The following MAOB variants were observed in gnomAD, a reference collection of about 807,000 sequenced individuals.
MAOB encodes amine oxidase [flavin-containing] B.
A neutral mutation model predicts 41.9 loss-of-function variants in MAOB; 15 were observed. The observed-to-expected ratio is 0.36, with a 90% CI of 0.24 to 0.55. MAOB has a LOEUF of 0.55. MAOB is among the 20% of genes least tolerant of loss of function. The probability of loss-of-function intolerance (pLI) is 0.86; values close to 1 mark genes in which losing one functional copy is unlikely to be tolerated. For synonymous variants in MAOB, 167 were observed against 144.2 expected, an observed-to-expected ratio of 1.16 and a Z score of -1.13; for missense variants, 345 against 398.7, an observed-to-expected ratio of 0.87 and a Z score of 1.15.
At chrX:43,830,474 AT>A (rs2035005785) in intron 3 of MAOB, among the ~76,000 whole-genome samples, 1 of 111,963 alleles carries the variant, frequency 8.9e-6, no homozygotes, top group Admixed American at 9.5e-5. Flanking sequence ...AGATCACTTT[AT>A]TTATCTATTT....
chrX:43,857,106 TATATATATATAGAGAGAGAG>T (rs1173445329), intron 1 of MAOB, among the ~76,000 whole-genome samples: 49 of 24,448 alleles, frequency 2.0e-3, no homozygotes, highest in Non-Finnish European at 2.2e-3. Flanking sequence ...TATATATATA[TATATATATATAGAGAGAGAG>T]AGAGAGAGAG....
At position 43,870,794 on chromosome X, in the gene MAOB, CAAAAAAAAAAAA is replaced by C. The variant is rs763016344; in HGVS notation, c.46+11448_46+11459del. On this transcript the variant is annotated intron_variant, in intron 1 of 14. Coordinates refer to ENST00000378069, the MANE Select transcript of MAOB (RefSeq NM_000898.5). ...TGGGCAACTGAGTGAGACTCCACCT[CAAAAAAAAAAAA>C]AAAAAAAAAAAAAGAGAAAGAAAAA... Among the ~76,000 whole-genome samples the C allele has an allele frequency of 1.0e-3, 23 of 21,929 alleles. No individual in the cohort carries two copies. The East Asian group carries it at 0.019, about 18-fold the overall frequency. 19.0% of individuals were successfully genotyped at this position (21,929 alleles called of 115,157 possible). A position where few individuals can be genotyped will look rare whatever the true frequency, so the allele number is the denominator to read the frequency against.
At chrX:43,846,477 G>T (rs761152826) in intron 1 of MAOB, among the ~76,000 whole-genome samples, 3 of 111,980 alleles carry the variant, frequency 2.7e-5, no homozygotes, top group Non-Finnish European at 5.6e-5. Context: ...TATGTTGCTG[G>T]AAGTAACTTA....
At chrX:43,847,500 A>T (rs929040158) in intron 1 of MAOB, among the ~76,000 whole-genome samples, 1 of 111,677 alleles carries the variant, frequency 9.0e-6, no homozygotes, top group Admixed American at 9.5e-5. Flanking sequence ...AAAAAGAAAA[A>T]ATGGCAGCTT....
intron 3 of MAOB, among the ~76,000 whole-genome samples, chrX:43,808,937 T>A (rs533740042): frequency 4.1e-4 from 45 of 110,787 alleles, no homozygotes; most frequent in African/African-American, 1.5e-3. Context: ...ACTCCCGACC[T>A]CAAGTAATCC....
chrX:43,790,798 A>G (rs1217463378), intron 8 of MAOB, among the ~76,000 whole-genome samples: 3 of 111,352 alleles, frequency 2.7e-5, no homozygotes, highest in Non-Finnish European at 5.7e-5. Flanking sequence ...ACAAGGACCA[A>G]GTCAGATTCT....
At chrX:43,805,101 T>G (rs1345308070) in intron 3 of MAOB, among the ~76,000 whole-genome samples, 1 of 111,818 alleles carries the variant, frequency 8.9e-6, no homozygotes, top group Non-Finnish European at 1.9e-5. Flanking sequence ...GTATACCCTG[T>G]GGAATGGCTA....
intron 3 of MAOB, among the ~76,000 whole-genome samples, chrX:43,828,379 T>A (rs778031626): frequency 9.9e-5 from 11 of 111,642 alleles, no homozygotes; most frequent in African/African-American, 3.6e-4. Flanking sequence ...TACTTTTTTT[T>A]AAATTCCTGG....
intron 10 of MAOB, 48 bp from the exon 11 acceptor site, chrX:43,778,787 G>A (rs1166199746): frequency 1.0e-5 from 10 of 960,098 alleles, no homozygotes; most frequent in African/African-American, 5.9e-5. Flanking sequence ...AGAAGGGAGG[G>A]AAAAAAAAAG....
At chrX:43,870,196 C>A (rs926730760) in intron 1 of MAOB, among the ~76,000 whole-genome samples, 3 of 112,379 alleles carry the variant, frequency 2.7e-5, no homozygotes, top group African/African-American at 9.7e-5. Context: ...CTTCTGTATC[C>A]AGTCTTCACA....
intron 1 of MAOB, among the ~76,000 whole-genome samples, chrX:43,856,875 C>G (rs1041631339): frequency 4.7e-5 from 5 of 106,797 alleles, no homozygotes; most frequent in African/African-American, 1.7e-4. Flanking sequence ...TAAGTGGACC[C>G]GAGCAGTTCA....
intron 1 of MAOB, among the ~76,000 whole-genome samples, chrX:43,844,238 T>C (rs1026895692): frequency 1.8e-5 from 2 of 111,413 alleles, no homozygotes; most frequent in African/African-American, 6.5e-5. Context: ...TGACGTAAAG[T>C]TTCAAAATCA....
chrX:43,767,543 TC>T lies in MAOB; in HGVS notation c.1485del (p.Ile496LeufsTer3). The T allele has an allele frequency of 1.7e-6, 2 of 1,210,683 alleles. No individual in the cohort carries two copies. The highest frequency in any genetic ancestry group is 2.2e-6 in the Non-Finnish European group (2 of 894,931). On this transcript the variant is annotated frameshift_variant, in exon 15 of 15. Transcript: ENST00000378069. LOFTEE classifies it high-confidence loss of function. Reference protein sequence around the residue: ...HLPSVPGLLRLIGLTTIFSAT... With the variant: ...HLPSVPGLLRXIGLTTIFSAT... Reference sequence around the variant, plus strand: ...GCTGAAAAGATGGTGGTCAATCCAATCAGCCTGAGCAGGCCTGGCACGGAGG... The same window carrying T: ...GCTGAAAAGATGGTGGTCAATCCAATAGCCTGAGCAGGCCTGGCACGGAGG...
intron 1 of MAOB, among the ~76,000 whole-genome samples, chrX:43,878,193 A>G (rs1452797617): frequency 9.0e-6 from 1 of 111,666 alleles, no homozygotes; most frequent in Non-Finnish European, 1.9e-5. Flanking sequence ...ATAGGTAAGC[A>G]TAAGAAATGA....
intron 3 of MAOB, among the ~76,000 whole-genome samples, chrX:43,812,180 T>C (rs376793365): frequency 7.1e-5 from 8 of 112,480 alleles, no homozygotes; most frequent in African/African-American, 2.3e-4. Context: ...AGGATCTCAT[T>C]CTTTTTATGG....
chrX:43,812,624 G>A (rs779358065), intron 3 of MAOB, among the ~76,000 whole-genome samples: 3 of 112,607 alleles, frequency 2.7e-5, no homozygotes, highest in Non-Finnish European at 5.6e-5. Flanking sequence ...CCATTTGGAC[G>A]TCTTCTTTTG....
chrX:43,828,612 C>A (rs963857355), intron 3 of MAOB, among the ~76,000 whole-genome samples: 1 of 111,438 alleles, frequency 9.0e-6, no homozygotes, highest in Non-Finnish European at 1.9e-5. Flanking sequence ...GCCTGCCCCG[C>A]AATTCAGTCC....
intron 3 of MAOB, among the ~76,000 whole-genome samples, chrX:43,814,422 A>G (rs1172819883): frequency 1.8e-5 from 2 of 112,118 alleles, no homozygotes; most frequent in South Asian, 3.8e-4. Context: ...AGTATAAACA[A>G]CTTTCTTTGC....
chrX:43,778,649 C>G, intron 11 of MAOB, 33 bp downstream of exon 11: 1 of 1,148,439 alleles, frequency 8.7e-7, no homozygotes, highest in Non-Finnish European at 1.2e-6. Flanking sequence ...AAAGGCCTCT[C>G]ACCCTTAGTA....
Sources: gnomAD v4.1 joint callset for allele counts (sites outside exome capture counted in the v4.1 genomes callset) on GRCh38, gnomAD v4.1.1 for gene constraint, MANE v1.5 for transcripts, NCBI Gene and HGNC (gene_info 2026-07-23, HGNC 2026-07-21) for gene names.